EIF4G3: variants seen among roughly 807,000 people sequenced by gnomAD.
EIF4G3 encodes eukaryotic translation initiation factor 4 gamma 3, also known as eIF-4-gamma 3.
In EIF4G3, 34 loss-of-function variants were observed where a neutral mutation model predicts 186.4. The ratio of observed to expected loss-of-function variants is 0.18; its 90% CI spans 0.14 to 0.24. The LOEUF is 0.24. Ranked by LOEUF, EIF4G3 falls within the 10% of genes least tolerant of loss-of-function variation. The pLI is 1.00. For synonymous variants in EIF4G3, 673 were observed against 679.5 expected, an observed-to-expected ratio of 0.99 and a Z score of 0.15; for missense variants, 1,536 against 1,948.5, an observed-to-expected ratio of 0.79 and a Z score of 3.99.
At chr1:21,068,299 G>A (rs1044728203) in intron 3 of EIF4G3, among the ~76,000 whole-genome samples, 9 of 148,492 alleles carry the variant, frequency 6.1e-5, no homozygotes, top group Non-Finnish European at 1.3e-4. Flanking sequence ...AACCTAGGAG[G>A]TGGAGGTTGC....
At chr1:21,111,674 G>C (rs1240189740) in intron 2 of EIF4G3, 1 of 159,618 alleles carries the variant, frequency 6.3e-6, no homozygotes, top group East Asian at 1.8e-4. Flanking sequence ...ATACAAAAAA[G>C]AAACTAAAAA....
intron 2 of EIF4G3, among the ~76,000 whole-genome samples, chr1:21,152,676 T>C (rs1467086030): frequency 1.3e-5 from 2 of 152,210 alleles, no homozygotes; most frequent in South Asian, 2.1e-4. Flanking sequence ...GTATTAGCTA[T>C]TAATAACATT....
intron 3 of EIF4G3, among the ~76,000 whole-genome samples, chr1:21,051,290 C>T (rs2094198165): frequency 6.6e-6 from 1 of 152,050 alleles, no homozygotes; most frequent in African/African-American, 2.4e-5. Context: ...AAACTACAAA[C>T]TGTATGATAC....
chr1:21,053,908 G>A (rs953642910), intron 3 of EIF4G3, among the ~76,000 whole-genome samples: 8 of 151,456 alleles, frequency 5.3e-5, no homozygotes, highest in Non-Finnish European at 1.2e-4. Context: ...GCCTCTGCCC[G>A]GCCGCCCCTA....
At chr1:20,911,312 A>G (rs2093155758) in intron 14 of EIF4G3, among the ~76,000 whole-genome samples, 1 of 152,132 alleles carries the variant, frequency 6.6e-6, no homozygotes, top group Non-Finnish European at 1.5e-5. Flanking sequence ...TCATGCCTGT[A>G]ATCCCAACAC....
intron 4 of EIF4G3, among the ~76,000 whole-genome samples, chr1:21,008,337 T>C (rs1392538256): frequency 5.0e-5 from 3 of 59,926 alleles, no homozygotes; most frequent in Admixed American, 3.4e-4. Flanking sequence ...TATTTTAATC[T>C]TTTTTTTTTT....
At chr1:20,842,306 C>T (rs149469844) in intron 29 of EIF4G3, among the ~76,000 whole-genome samples, 5 of 152,270 alleles carry the variant, frequency 3.3e-5, no homozygotes, top group Admixed American at 3.3e-4. Flanking sequence ...CGTCCTTTCT[C>T]TTTTTTGTCT....
intron 3 of EIF4G3, among the ~76,000 whole-genome samples, chr1:21,063,495 A>G (rs2095042894): frequency 6.6e-6 from 1 of 152,174 alleles, no homozygotes; most frequent in South Asian, 2.1e-4. Flanking sequence ...TACATTCTTA[A>G]AATATATATT....
rs549950846 is a variant in EIF4G3 at position 20,916,400 on chromosome 1, T to A, written c.1664-11429A>T. On this transcript the variant is annotated intron_variant, in intron 14 of 36. Coordinates refer to ENST00000602326, the MANE Select transcript of EIF4G3 (RefSeq NM_001391906.1). Reference sequence around the variant, plus strand: ...AGGCGGAGGTTGCAGTGAGCCGAGATCGTGCCATTGCACTCCAGCCTGAGC... The same window carrying A: ...AGGCGGAGGTTGCAGTGAGCCGAGAACGTGCCATTGCACTCCAGCCTGAGC... Among the ~76,000 whole-genome samples, 5 of 151,622 alleles carry A rather than the reference T, an allele frequency of 3.3e-5. No individual in the cohort carries two copies. In the East Asian group the frequency reaches 7.8e-4, roughly 24 times the overall value.
intron 13 of EIF4G3, among the ~76,000 whole-genome samples, chr1:20,948,970 C>CAAAAAAAA (rs34585901): frequency 3.9e-5 from 2 of 51,510 alleles, no homozygotes; most frequent in Non-Finnish European, 8.2e-5. Flanking sequence ...GACTCTGTCT[C>CAAAAAAAA]AAAAAAAAAA....
intron 3 of EIF4G3, among the ~76,000 whole-genome samples, chr1:21,051,471 G>A (rs1010350660): frequency 5.9e-5 from 9 of 152,088 alleles, no homozygotes; most frequent in Non-Finnish European, 1.3e-4. Flanking sequence ...ACTAAAAAGG[G>A]TGAATTTTAC....
intron 36 of EIF4G3, among the ~76,000 whole-genome samples, chr1:20,809,358 C>G (rs2058773124): frequency 6.6e-6 from 1 of 152,066 alleles, no homozygotes; most frequent in Non-Finnish European, 1.5e-5. Context: ...CCTTTATCTC[C>G]AAGAGCGATT....
In EIF4G3 at chr1:21,023,456, C is replaced by T. The variant is rs569389605; in HGVS notation, c.-66-20648G>A. 7.2e-4 allele frequency among the ~76,000 whole-genome samples: 110 copies of T among 151,876 alleles called. 4 individuals are homozygous for T. The South Asian group carries it at 0.022, about 31-fold the overall frequency. On this transcript the variant is annotated intron_variant, in intron 4 of 36. Coordinates refer to ENST00000602326, the MANE Select transcript of EIF4G3 (RefSeq NM_001391906.1). ...ACTGGTTTTGGTGGAGACAGGGTTT[C>T]GCTGTGTTGGCCGGGCCAGTCTCCA...
Position 20,830,444 on chromosome 1 carries a change from A to T in EIF4G3, c.4062-1172T>A, listed in dbSNP as rs576475835. Among the ~76,000 whole-genome samples the T allele has an allele frequency of 3.3e-5, 5 of 152,342 alleles. No homozygotes were observed. The East Asian group carries it at 9.6e-4, about 29-fold the overall frequency. On this transcript the variant is annotated intron_variant, in intron 30 of 36. Transcript: ENST00000602326. ...GGACGGTGTCTGTGCTATGGCAAAT[A>T]GATGTCAAATAATTGCAGGTTCTCT...
intron 14 of EIF4G3, among the ~76,000 whole-genome samples, chr1:20,905,495 G>A (rs1416688688): frequency 2.0e-5 from 3 of 152,210 alleles, no homozygotes; most frequent in Non-Finnish European, 4.4e-5. Context: ...TAGATAGGCA[G>A]CATTTCTGAA....
chr1:20,977,238 G>A (rs2077043044), intron 10 of EIF4G3, among the ~76,000 whole-genome samples: 1 of 151,730 alleles, frequency 6.6e-6, no homozygotes, highest in South Asian at 2.1e-4. Context: ...CCAGGTTGGA[G>A]TGCAGGGGCA....
chr1:20,862,208 T>C lies in EIF4G3; in HGVS notation c.3111+20A>G. 1 of 1,265,872 alleles carries C rather than the reference T, an allele frequency of 7.9e-7. No individual in the cohort carries two copies. Among genetic ancestry groups the C allele is most frequent in the Non-Finnish European group, 1.1e-6 (1 of 890,734 alleles). The allele number at this position is 1,265,872 out of a possible 1,614,324, so 78.4% of individuals were successfully genotyped here. ...AGAGACTGGACCAGCAGGCTTATTA[T>C]TATTTTTTTTCCCACTCACCAGCCT... On this transcript the variant is annotated intron_variant, in intron 23 of 36. Coordinates refer to ENST00000602326, the MANE Select transcript of EIF4G3 (RefSeq NM_001391906.1).
At chr1:21,060,686 A>T (rs1159260446) in intron 3 of EIF4G3, among the ~76,000 whole-genome samples, 1 of 151,058 alleles carries the variant, frequency 6.6e-6, no homozygotes, top group Admixed American at 6.6e-5. Flanking sequence ...GTAAGGCAAG[A>T]GGCCCAACAG....
chr1:21,117,249 A>G (rs893852559), intron 2 of EIF4G3, among the ~76,000 whole-genome samples: 1 of 152,132 alleles, frequency 6.6e-6, no homozygotes, highest in African/African-American at 2.4e-5. Flanking sequence ...ACATAAAAAC[A>G]TTAATATTTT....
Sources: allele counts gnomAD v4.1 joint callset (sites outside exome capture counted in the v4.1 genomes callset), GRCh38; gene constraint gnomAD v4.1.1; transcripts MANE v1.5; gene names NCBI Gene and HGNC (gene_info 2026-07-23, HGNC 2026-07-21).